FARP1: variants seen among roughly 807,000 people sequenced by gnomAD.
The protein encoded by FARP1 is FERM, ARH/RhoGEF and pleckstrin domain protein 1.
Under a neutral mutation model 128.8 loss-of-function variants are expected in FARP1, and 52 were observed. That is an observed-to-expected ratio of 0.40 (90% CI 0.32 to 0.51). The LOEUF (loss-of-function observed/expected upper bound fraction) is 0.51. Among genes scored for constraint, FARP1 ranks in the 20% least tolerant of loss-of-function variants. FARP1 has a pLI of 0.45. For missense variants in FARP1, 1,333 were observed against 1,367.9 expected (o/e 0.97, Z 0.40); for synonymous variants, 580 against 551.8 (o/e 1.05, Z -0.72).
chr13:98,361,173 T>C (rs567713869), intron 3 of FARP1, among the ~76,000 whole-genome samples: 2 of 152,268 alleles, frequency 1.3e-5, no homozygotes, highest in East Asian at 3.9e-4. Context: ...CCCCAGACCT[T>C]CTCCCTCAGC....
chr13:98,190,733 G>GTTT lies in FARP1; in HGVS notation c.-23-22472_-23-22470dup, dbSNP rs5806053. On this transcript the variant is annotated intron_variant, in intron 1 of 26. Coordinates refer to ENST00000319562, the MANE Select transcript of FARP1 (RefSeq NM_005766.4). ...CATGCCACCATGCCCAGCTTTTTAA[G>GTTT]TTTTTTTTTTTTTTTTTGGAGAGAC... Among the ~76,000 whole-genome samples, 119 of 130,990 alleles carry GTTT rather than the reference G, an allele frequency of 9.1e-4. 2 individuals are homozygous for GTTT. The highest frequency in any genetic ancestry group is 3.0e-3 in the African/African-American group (108 of 35,906). The allele number at this position is 130,990 out of a possible 152,430, so 85.9% of individuals were successfully genotyped here.
At chr13:98,287,800 C>CTTTTTTTTTT (rs35204639) in intron 2 of FARP1, among the ~76,000 whole-genome samples, 1 of 116,700 alleles carries the variant, frequency 8.6e-6, no homozygotes, top group Non-Finnish European at 1.7e-5. Flanking sequence ...CCAGGCACTT[C>CTTTTTTTTTT]TTTTTTTTTT....
chr13:98,362,213 A>G (rs1339522059), intron 3 of FARP1, among the ~76,000 whole-genome samples: 1 of 152,134 alleles, frequency 6.6e-6, no homozygotes, highest in Non-Finnish European at 1.5e-5. Flanking sequence ...GCGCCACTGC[A>G]CTCCAGCCTG....
intron 2 of FARP1, among the ~76,000 whole-genome samples, chr13:98,290,495 C>T (rs547126862): frequency 9.2e-5 from 14 of 152,110 alleles, no homozygotes; most frequent in African/African-American, 3.4e-4. Context: ...CTTTAAGGAA[C>T]CGCAAGGTGT....
intron 2 of FARP1, among the ~76,000 whole-genome samples, chr13:98,287,280 G>C (rs1200229840): frequency 6.2e-5 from 8 of 128,138 alleles, no homozygotes; most frequent in African/African-American, 2.5e-4. Flanking sequence ...TCCCAGGCTG[G>C]AGTGCAGTGG....
chr13:98,196,519 CTAAA>C (rs1223063808), intron 1 of FARP1, among the ~76,000 whole-genome samples: 2 of 85,028 alleles, frequency 2.4e-5, no homozygotes, highest in African/African-American at 6.0e-5. Flanking sequence ...TAAGTGCTGG[CTAAA>C]TAAAATAATA....
At chr13:98,312,105 C>T (rs977703049) in intron 2 of FARP1, among the ~76,000 whole-genome samples, 4 of 142,324 alleles carry the variant, frequency 2.8e-5, no homozygotes, top group African/African-American at 1.1e-4. Context: ...CATTGACCTC[C>T]CAAAGTGCTG....
intron 2 of FARP1, among the ~76,000 whole-genome samples, chr13:98,228,688 A>G (rs1045168793): frequency 3.3e-5 from 5 of 152,150 alleles, no homozygotes; most frequent in Admixed American, 1.3e-4. Context: ...ACCAGGAGTA[A>G]AAAGTTAATG....
At chr13:98,316,558 C>G (rs972470174) in intron 2 of FARP1, among the ~76,000 whole-genome samples, 5 of 152,224 alleles carry the variant, frequency 3.3e-5, no homozygotes, top group African/African-American at 1.2e-4. Flanking sequence ...CTGGAGAGCT[C>G]AGCCTCCAGC....
chr13:98,193,379 T>C (rs922383485), intron 1 of FARP1, among the ~76,000 whole-genome samples: 11 of 152,202 alleles, frequency 7.2e-5, no homozygotes, highest in African/African-American at 2.2e-4. Context: ...CATATGTTTA[T>C]TTCCCCTCAT....
chr13:98,186,094 GTTTTCT>G (rs927316744), intron 1 of FARP1, among the ~76,000 whole-genome samples: 17 of 152,076 alleles, frequency 1.1e-4, no homozygotes, highest in African/African-American at 3.6e-4. Context: ...TCTGCAGAAC[GTTTTCT>G]TTTTCTTTTC....
At chr13:98,321,096 G>A (rs1886974790) in intron 2 of FARP1, among the ~76,000 whole-genome samples, 1 of 152,198 alleles carries the variant, frequency 6.6e-6, no homozygotes, top group Non-Finnish European at 1.5e-5. Flanking sequence ...TGATGTGTGA[G>A]TGTCCCCATG....
intron 1 of FARP1, among the ~76,000 whole-genome samples, chr13:98,195,642 C>T (rs540747487): frequency 6.6e-5 from 10 of 152,180 alleles, no homozygotes; most frequent in Non-Finnish European, 1.0e-4. Flanking sequence ...TTCTCTGATC[C>T]GCTGTGTCAG....
intron 1 of FARP1, among the ~76,000 whole-genome samples, chr13:98,189,504 A>C (rs1879089610): frequency 6.6e-6 from 1 of 152,198 alleles, no homozygotes; most frequent in Non-Finnish European, 1.5e-5. Context: ...TTCTGTTAAG[A>C]AACCTGGTAT....
rs553953830 is a variant in FARP1, at chr13:98,448,499, C to A, written c.*182C>A. 1 of 590,338 alleles carries A rather than the reference C, an allele frequency of 1.7e-6. No individual in the cohort carries two copies. The allele number at this position is 590,338 out of a possible 1,614,324, so 36.6% of individuals were successfully genotyped here. On this transcript the variant is annotated 3_prime_UTR_variant, in exon 27 of 27. Coordinates refer to ENST00000319562, the MANE Select transcript of FARP1 (RefSeq NM_005766.4). ...GACCTCTCAGCGTCTGAATGAACAG[C>A]GCTCCCACCTCCAGTCCTGGCATCC...
In FARP1 at chr13:98,435,699, C is replaced by T. The variant is rs369190259; in HGVS notation, c.2267C>T (p.Pro756Leu). ...DLIGIDNLVV[P>L]GREFIRLGSL... ...ATTGGCATTGACAATCTTGTGGTTCCGGGAAGGGTAAGCAGCAGTGGCCTC... is the reference window on the plus strand; with the variant it reads ...ATTGGCATTGACAATCTTGTGGTTCTGGGAAGGGTAAGCAGCAGTGGCCTC... Residue 756 changes from proline (P) to leucine (L), a missense_variant, in exon 19 of 27, where the codon CCG becomes CTG. Pro to Leu is a moderately conservative substitution (Grantham distance 98). Around this residue, in one of 2 missense-constraint regions of FARP1, gnomAD observed 1,009 missense variants for 969.8 expected, o/e 1.04. Transcript: ENST00000319562. 8.1e-6 allele frequency: 13 copies of T among 1,614,022 alleles called. No individual in the cohort carries two copies. Among genetic ancestry groups the T allele is most frequent in the East Asian group, 4.5e-5 (2 of 44,872 alleles).
chr13:98,195,247 C>T (rs1879496462), intron 1 of FARP1, among the ~76,000 whole-genome samples: 1 of 152,174 alleles, frequency 6.6e-6, no homozygotes, highest in South Asian at 2.1e-4. Flanking sequence ...GCCCTCAATT[C>T]CACTCCACTG....
intron 1 of FARP1, among the ~76,000 whole-genome samples, chr13:98,170,787 C>A (rs1418556977): frequency 6.6e-6 from 1 of 152,064 alleles, no homozygotes; most frequent in Admixed American, 6.6e-5. Context: ...CCACCGCGCC[C>A]GGCCATCTAC....
intron 3 of FARP1, among the ~76,000 whole-genome samples, chr13:98,363,713 C>G (rs1888969282): frequency 6.6e-6 from 1 of 152,158 alleles, no homozygotes; most frequent in Non-Finnish European, 1.5e-5. Context: ...GGTCTAGGCT[C>G]TCCTGTGACT....
Sources: allele counts gnomAD v4.1 joint callset (sites outside exome capture counted in the v4.1 genomes callset), GRCh38; gene constraint gnomAD v4.1.1; regional missense constraint gnomAD v4.1.1; transcripts MANE v1.5; gene names NCBI Gene and HGNC (gene_info 2026-07-23, HGNC 2026-07-21).